NCAM1: variants seen among roughly 807,000 people sequenced by gnomAD.
NCAM1 encodes neural cell adhesion molecule 1, also known as antigen recognized by monoclonal antibody 5.1H11.
A neutral mutation model predicts 109.8 loss-of-function variants in NCAM1; 14 were observed. The observed-to-expected ratio is 0.13, with a 90% CI of 0.08 to 0.20. The LOEUF is 0.20. Ranked by LOEUF, NCAM1 falls within the 10% of genes least tolerant of loss-of-function variation. The probability of loss-of-function intolerance (pLI) is 1.00; values close to 1 mark genes in which losing one functional copy is unlikely to be tolerated. For missense variants in NCAM1, 774 were observed against 1,109.9 expected, an observed-to-expected ratio of 0.70 and a Z score of 4.30; for synonymous variants, 418 against 442.9, an observed-to-expected ratio of 0.94 and a Z score of 0.70.
rs1418232992 is a variant in NCAM1 at position 113,277,360 on chromosome 11, G to A, written c.*1973G>A. The A allele has an allele frequency of 7.5e-6, 3 of 398,984 alleles. No homozygotes were observed. The highest frequency in any genetic ancestry group is 1.3e-5 in the Non-Finnish European group (3 of 226,138). 24.7% of individuals were successfully genotyped at this position (398,984 alleles called of 1,614,324 possible). A position where few individuals can be genotyped will look rare whatever the true frequency, so the allele number is the denominator to read the frequency against. On this transcript the variant is annotated 3_prime_UTR_variant, in exon 20 of 20. Transcript: ENST00000316851. ...TTGCATTTTCTCAGCTCCTGGGGAT[G>A]GAAATGGAGGATCCCAGAACACACA...
At chr11:113,254,308 G>T (rs1945780945) in intron 15 of NCAM1, among the ~76,000 whole-genome samples, 1 of 152,042 alleles carries the variant, frequency 6.6e-6, no homozygotes, top group African/African-American at 2.4e-5. Flanking sequence ...GTTTTTATTT[G>T]TCCTTAATTA....
At chr11:113,269,863 C>T (rs782304654) in intron 17 of NCAM1, 60 of 396,388 alleles carry the variant, frequency 1.5e-4, no homozygotes, top group Admixed American at 8.8e-4. Flanking sequence ...AACACAGCAG[C>T]GCCCTCCAAC....
chr11:113,208,113 A>G, intron 7 of NCAM1, 111 bp downstream of exon 7: 2 of 1,272,710 alleles, frequency 1.6e-6, no homozygotes, highest in Non-Finnish European at 2.2e-6. Context: ...AACCCAATGC[A>G]ACCATTTCTT....
chr11:112,992,205 T>C (rs1212213310), intron 1 of NCAM1, among the ~76,000 whole-genome samples: 1 of 152,120 alleles, frequency 6.6e-6, no homozygotes, highest in Non-Finnish European at 1.5e-5. Flanking sequence ...TATGCATTTT[T>C]TTCAATGAAA....
chr11:113,220,925 C>T (rs1944675295), intron 8 of NCAM1, among the ~76,000 whole-genome samples: 1 of 152,036 alleles, frequency 6.6e-6, no homozygotes, highest in South Asian at 2.1e-4. Flanking sequence ...GACCTACTCT[C>T]TTAAGTGTCT....
intron 1 of NCAM1, among the ~76,000 whole-genome samples, chr11:113,119,922 A>T (rs1940887126): frequency 6.6e-6 from 1 of 152,244 alleles, no homozygotes; most frequent in African/African-American, 2.4e-5. Flanking sequence ...TTCTCAATTC[A>T]TGATGACAAA....
chr11:113,271,808 G>A lies in NCAM1; in HGVS notation c.2388G>A (p.Glu796=), dbSNP rs782306277. The part of the protein sequence containing the change: ...EPIVEVRTEE[E]RTPNHDGGKH... ...TCGTGGAGGTTCGAACGGAGGAGGAGAGGACCCCAAACCATGATGGAGGGA... is the reference window on the plus strand; with the variant it reads ...TCGTGGAGGTTCGAACGGAGGAGGAAAGGACCCCAAACCATGATGGAGGGA... The change falls in exon 19 of 20, where the codon GAG becomes GAA. Residue 796 remains glutamate, a synonymous_variant. Coordinates refer to ENST00000316851, the MANE Select transcript of NCAM1 (RefSeq NM_181351.5). 48 of 1,571,344 alleles carry A rather than the reference G, an allele frequency of 3.1e-5. No individual in the cohort carries two copies. Among genetic ancestry groups the A allele is most frequent in the Non-Finnish European group, 4.1e-5 (47 of 1,158,662 alleles).
intron 13 of NCAM1, 134 bp from the exon 14 acceptor site, chr11:113,234,899 T>C (rs1945117888): frequency 2.5e-6 from 3 of 1,197,278 alleles, no homozygotes; most frequent in East Asian, 5.2e-5. Context: ...TCTATGCATA[T>C]GCCCAGAAAT....
rs145493999 is a variant in NCAM1 at position 112,961,554 on chromosome 11, AGGGG to A, written c.-52_-49del. On this transcript the variant is annotated 5_prime_UTR_variant, in exon 1 of 20. Transcript: ENST00000316851. ...CTCAGCCGCCGTCCACACTCGCTGC[AGGGG>A]GGGGGGCACAGAATTTACCGCGGCA... The A allele has an allele frequency of 2.1e-6, 2 of 942,592 alleles. No individual in the cohort carries two copies. The highest frequency in any genetic ancestry group is 1.4e-5 in the South Asian group (1 of 71,606). The allele number at this position is 942,592 out of a possible 1,614,324, so 58.4% of individuals were successfully genotyped here.
Position 113,047,801 on chromosome 11 carries a change from A to G in NCAM1, c.52+86137A>G, listed in dbSNP as rs140405665. Among the ~76,000 whole-genome samples the G allele has an allele frequency of 4.7e-4, 72 of 152,220 alleles. 1 individual carries two copies. In the East Asian group the frequency reaches 0.014, roughly 29 times the overall value. On this transcript the variant is annotated intron_variant, in intron 1 of 19. Coordinates refer to ENST00000316851, the MANE Select transcript of NCAM1 (RefSeq NM_181351.5). ...AGTGCAGGGGAACTCCCCTTTACAA[A>G]ACCATCAGATCTTGTGAGACGTATT...
intron 1 of NCAM1, among the ~76,000 whole-genome samples, chr11:113,026,885 A>G (rs1406900398): frequency 6.6e-6 from 1 of 152,202 alleles, no homozygotes; most frequent in Non-Finnish European, 1.5e-5. Flanking sequence ...CATGCCAGAT[A>G]TTTAGTATGT....
At chr11:113,226,746 C>T (rs1465144353) in intron 9 of NCAM1, among the ~76,000 whole-genome samples, 3 of 152,170 alleles carry the variant, frequency 2.0e-5, no homozygotes, top group Non-Finnish European at 2.9e-5. Context: ...GACCACAGTG[C>T]GATCAAACTA....
chr11:113,278,392 CT>C lies in NCAM1; in HGVS notation c.*3006del, dbSNP rs2137840045. On this transcript the variant is annotated 3_prime_UTR_variant, in exon 20 of 20. Transcript: ENST00000316851. ...TAACTGAGAATTTTGACTTTGCATT[CT>C]GTCGGAATACTTGTGTTCAATAAAA... 6.6e-6 allele frequency: 1 copy of C among 152,290 alleles called. No individual in the cohort carries two copies. Among genetic ancestry groups the C allele is most frequent in the African/African-American group, 2.4e-5 (1 of 41,548 alleles). 9.4% of individuals were successfully genotyped at this position (152,290 alleles called of 1,614,324 possible).
intron 1 of NCAM1, among the ~76,000 whole-genome samples, chr11:113,101,893 T>G (rs910662173): frequency 6.6e-6 from 1 of 152,224 alleles, no homozygotes. Context: ...ATGACATAAA[T>G]AAGTTGATTT....
chr11:113,029,996 T>C (rs1431819471), intron 1 of NCAM1, among the ~76,000 whole-genome samples: 1 of 152,190 alleles, frequency 6.6e-6, no homozygotes, highest in Non-Finnish European at 1.5e-5. Context: ...TGGCTGTAGA[T>C]GATGGCAATG....
At chr11:113,262,420 AAC>A in intron 17 of NCAM1, among the ~76,000 whole-genome samples, 1 of 152,336 alleles carries the variant, frequency 6.6e-6, no homozygotes, top group Admixed American at 6.5e-5. Flanking sequence ...AGTGAAAGGT[AAC>A]ACTCTCCTAA....
At position 113,045,646 on chromosome 11, in the gene NCAM1, A is replaced by G. The variant is rs148000531; in HGVS notation, c.52+83982A>G. 2.0e-5 allele frequency among the ~76,000 whole-genome samples: 3 copies of G among 152,332 alleles called. No homozygotes were observed. In the East Asian group the frequency reaches 5.8e-4, roughly 29 times the overall value. ...TGCATTATTTATACTTCCTGATACG[A>G]TAATATATCGCAAATGAATTTACAT... On this transcript the variant is annotated intron_variant, in intron 1 of 19. Transcript: ENST00000316851.
chr11:113,170,884 G>T (rs972138059), intron 1 of NCAM1, among the ~76,000 whole-genome samples: 3 of 152,212 alleles, frequency 2.0e-5, no homozygotes, highest in Non-Finnish European at 1.5e-5. Flanking sequence ...TATTTATGCT[G>T]TAAGTAAGGG....
At chr11:113,005,411 G>A (rs1365989635) in intron 1 of NCAM1, among the ~76,000 whole-genome samples, 1 of 152,104 alleles carries the variant, frequency 6.6e-6, no homozygotes, top group Non-Finnish European at 1.5e-5. Context: ...TTTGGGCGGT[G>A]GTTTGGTTCC....
Sources: gnomAD v4.1 joint callset for allele counts (sites outside exome capture counted in the v4.1 genomes callset) on GRCh38, gnomAD v4.1.1 for gene constraint, MANE v1.5 for transcripts, NCBI Gene and HGNC (gene_info 2026-07-23, HGNC 2026-07-21) for gene names.